Variants in PTPRD observed in about 807,000 individuals in gnomAD.
PTPRD encodes receptor-type tyrosine-protein phosphatase delta.
A neutral mutation model predicts 214.5 loss-of-function variants in PTPRD; 34 were observed. The observed-to-expected ratio is 0.16, with a 90% CI of 0.12 to 0.21. The LOEUF (loss-of-function observed/expected upper bound fraction) is 0.21, where lower values mean the gene tolerates loss of function less well. PTPRD is among the 10% of genes least tolerant of loss of function. PTPRD has a pLI of 1.00. For synonymous variants in PTPRD, 1,128 were observed against 845.7 expected (o/e 1.33, Z -5.79); for missense variants, 2,545 against 2,398.7 (o/e 1.06, Z -1.27).
chr9:9,883,756 T>C (rs2069693859), intron 5 of PTPRD, among the ~76,000 whole-genome samples: 3 of 152,152 alleles, frequency 2.0e-5, no homozygotes, highest in Admixed American at 2.0e-4. Flanking sequence ...CATTTAGCCG[T>C]ATACTGTGAA....
At chr9:8,490,501 C>T (rs999322862) in intron 27 of PTPRD, among the ~76,000 whole-genome samples, 4 of 152,168 alleles carry the variant, frequency 2.6e-5, no homozygotes, top group African/African-American at 9.7e-5. Context: ...TCACAGTCAT[C>T]TTTTGATTAT....
At chr9:9,938,793 AAGT>A (rs1275208942) in intron 4 of PTPRD, among the ~76,000 whole-genome samples, 183 bp from the exon 5 acceptor site, 3 of 152,170 alleles carry the variant, frequency 2.0e-5, no homozygotes, top group South Asian at 2.1e-4. Context: ...GCACCTGTAT[AAGT>A]CAAAGGGACC....
chr9:8,840,328 G>A (rs2097533921), intron 11 of PTPRD, among the ~76,000 whole-genome samples: 1 of 152,128 alleles, frequency 6.6e-6, no homozygotes, highest in Admixed American at 6.6e-5. Context: ...CACAAGATTT[G>A]ATGGTTTTAA....
intron 7 of PTPRD, among the ~76,000 whole-genome samples, chr9:9,595,461 C>T (rs1195256466): frequency 6.0e-5 from 9 of 149,980 alleles, no homozygotes; most frequent in Admixed American, 2.0e-4. Context: ...CACATGTACG[C>T]ATATGTACAC....
rs374418852 is a variant in PTPRD at position 8,892,867 on chromosome 9, C to T, written c.-104+125830G>A. 5.3e-5 allele frequency among the ~76,000 whole-genome samples: 8 copies of T among 151,714 alleles called. No individual in the cohort carries two copies. In the East Asian group the frequency reaches 1.6e-3, roughly 29 times the overall value. ...GAGAAATAAAAGCACACAGATAATT[C>T]ACTGAAGGAAGGAAGTGTGAGAGTA... On this transcript the variant is annotated intron_variant, in intron 11 of 45. Transcript: ENST00000381196.
At chr9:9,009,691 G>A (rs1589730433) in intron 11 of PTPRD, among the ~76,000 whole-genome samples, 1 of 151,944 alleles carries the variant, frequency 6.6e-6, no homozygotes, top group Admixed American at 6.6e-5. Context: ...GTGTATCTGT[G>A]GATAAAACTG....
intron 3 of PTPRD, among the ~76,000 whole-genome samples, chr9:10,097,832 T>A (rs2098507310): frequency 6.6e-6 from 1 of 151,820 alleles, no homozygotes; most frequent in Non-Finnish European, 1.5e-5. Flanking sequence ...TCAAAGGGAA[T>A]GCTTCCAGCT....
intron 21 of PTPRD, among the ~76,000 whole-genome samples, chr9:8,510,625 T>C (rs2097658729): frequency 6.6e-6 from 1 of 152,168 alleles, no homozygotes; most frequent in Non-Finnish European, 1.5e-5. Context: ...ACAGGCTAGA[T>C]TCAGCATATG....
chr9:8,315,482 A>G lies in PTPRD; in HGVS notation c.*2392T>C, dbSNP rs1821156029. On this transcript the variant is annotated 3_prime_UTR_variant, in exon 46 of 46. Transcript: ENST00000381196. ...TAACTAAAAGAAAATTATAGCACTGAGTAATCTGGCACTTGGATAAATCTC... is the reference window on the plus strand; with the variant it reads ...TAACTAAAAGAAAATTATAGCACTGGGTAATCTGGCACTTGGATAAATCTC... 4.3e-6 allele frequency: 1 copy of G among 232,188 alleles called. No homozygotes were observed. The highest frequency in any genetic ancestry group is 2.2e-5 in the African/African-American group (1 of 45,230). 14.4% of individuals were successfully genotyped at this position (232,188 alleles called of 1,614,324 possible).
chr9:8,819,938 G>GT (rs1283239440), intron 11 of PTPRD, among the ~76,000 whole-genome samples: 1 of 152,034 alleles, frequency 6.6e-6, no homozygotes, highest in Admixed American at 6.6e-5. Context: ...TATTATAAAA[G>GT]TATGACATCC....
At chr9:9,311,301 A>T (rs910202914) in intron 9 of PTPRD, among the ~76,000 whole-genome samples, 20 of 152,172 alleles carry the variant, frequency 1.3e-4, no homozygotes, top group Non-Finnish European at 4.4e-5. Context: ...CAAAATCATT[A>T]TATTATGTTG....
chr9:9,706,596 C>T (rs374518703), intron 7 of PTPRD, among the ~76,000 whole-genome samples: 1 of 152,030 alleles, frequency 6.6e-6, no homozygotes, highest in Admixed American at 6.6e-5. Flanking sequence ...TGTGCCACCA[C>T]ACCCAGCTAT....
chr9:9,626,218 C>G (rs573760399), intron 7 of PTPRD, among the ~76,000 whole-genome samples: 81 of 152,298 alleles, frequency 5.3e-4, no homozygotes, highest in African/African-American at 1.9e-3. Flanking sequence ...TTTTTATTTC[C>G]TTTCACGTAA....
At chr9:8,919,480 G>A (rs1269973826) in intron 11 of PTPRD, among the ~76,000 whole-genome samples, 1 of 149,738 alleles carries the variant, frequency 6.7e-6, no homozygotes, top group Non-Finnish European at 1.5e-5. Flanking sequence ...TATTTTTCTT[G>A]TTTAGATACA....
intron 4 of PTPRD, among the ~76,000 whole-genome samples, chr9:10,025,571 T>A (rs1026640971): frequency 6.6e-6 from 1 of 152,208 alleles, no homozygotes; most frequent in Non-Finnish European, 1.5e-5. Flanking sequence ...ACTCTCTTGG[T>A]ACATATAAAA....
intron 7 of PTPRD, among the ~76,000 whole-genome samples, chr9:9,595,459 C>T (rs1023569724): frequency 9.4e-5 from 14 of 149,442 alleles, no homozygotes; most frequent in African/African-American, 2.0e-4. Flanking sequence ...TACACATGTA[C>T]GCATATGTAC....
intron 5 of PTPRD, among the ~76,000 whole-genome samples, chr9:9,863,196 T>A (rs1323796): frequency 1.3e-5 from 2 of 152,134 alleles, no homozygotes; most frequent in Admixed American, 1.3e-4. Context: ...GAGAGAGAAG[T>A]CCACTGCAAA....
At chr9:9,051,237 A>C (rs1444927654) in intron 10 of PTPRD, among the ~76,000 whole-genome samples, 2 of 152,202 alleles carry the variant, frequency 1.3e-5, no homozygotes, top group Non-Finnish European at 2.9e-5. Flanking sequence ...AAATCTAAAA[A>C]AATTATAAAA....
At chr9:9,907,338 A>G (rs190747942) in intron 5 of PTPRD, among the ~76,000 whole-genome samples, 182 of 152,066 alleles carry the variant, frequency 1.2e-3, no homozygotes, top group African/African-American at 4.3e-3. Flanking sequence ...TCATAATAAA[A>G]TACCACAGAC....
Sources: allele counts gnomAD v4.1 joint callset (sites outside exome capture counted in the v4.1 genomes callset), GRCh38; gene constraint gnomAD v4.1.1; transcripts MANE v1.5; gene names NCBI Gene and HGNC (gene_info 2026-07-23, HGNC 2026-07-21).